The following CCDC150 variants were observed in gnomAD, a reference collection of about 807,000 sequenced individuals.
The protein encoded by CCDC150 is coiled-coil domain containing 150.
Under a neutral mutation model 156.5 loss-of-function variants are expected in CCDC150, and 151 were observed. The ratio of observed to expected loss-of-function variants is 0.97; its 90% CI spans 0.85 to 1.10. The LOEUF (loss-of-function observed/expected upper bound fraction) is 1.10. CCDC150 is among the 50% of genes least tolerant of loss of function. CCDC150 has a pLI of 0.00. For missense variants in CCDC150, 1,312 were observed against 1,268.1 expected (o/e 1.03, Z -0.53); for synonymous variants, 452 against 429.4 (o/e 1.05, Z -0.65).
intron 1 of CCDC150, among the ~76,000 whole-genome samples, chr2:196,641,328 G>GTTACTCC (rs1422473878): frequency 6.6e-6 from 1 of 151,928 alleles, no homozygotes; most frequent in Non-Finnish European, 1.5e-5. Flanking sequence ...TGTTCTCTGT[G>GTTACTCC]TTACTCCTTC....
chr2:196,723,485 G>A (rs1698041677), intron 21 of CCDC150, among the ~76,000 whole-genome samples: 1 of 152,174 alleles, frequency 6.6e-6, no homozygotes, highest in African/African-American at 2.4e-5. Flanking sequence ...CTGGGTGACA[G>A]AGCAAGACTC....
intron 15 of CCDC150, among the ~76,000 whole-genome samples, chr2:196,709,853 A>G (rs952384548): frequency 3.3e-5 from 5 of 152,160 alleles, no homozygotes; most frequent in African/African-American, 1.2e-4. Context: ...AGAACAGCAA[A>G]TATGGCTGCC....
At chr2:196,669,685 A>G in intron 7 of CCDC150, 148 bp from the exon 8 acceptor site, 1 of 576,358 alleles carries the variant, frequency 1.7e-6, no homozygotes, top group East Asian at 3.0e-5. Flanking sequence ...ATTCCATAAC[A>G]GTTTCTAGTC....
chr2:196,715,103 A>G (rs1385059995), intron 17 of CCDC150, among the ~76,000 whole-genome samples: 1 of 152,174 alleles, frequency 6.6e-6, no homozygotes, highest in Admixed American at 6.5e-5. Flanking sequence ...ATGGAGGGCA[A>G]TTTAGCAATA....
At chr2:196,729,048 A>C (rs748791804) in intron 22 of CCDC150, 145 bp from the exon 23 acceptor site, 6 of 720,846 alleles carry the variant, frequency 8.3e-6, no homozygotes, top group Non-Finnish European at 1.3e-5. Context: ...TGCTCCATAA[A>C]TCTGCTTAAT....
rs750649848 is a variant in CCDC150, at chr2:196,649,189, T to C, written c.176+2685T>C. On this transcript the variant is annotated intron_variant, in intron 2 of 27. Transcript: ENST00000389175. ...ATGAAGAATGACATTGGGATTTTAATAGGGATTGCCCTGAATCTGTAGATG... is the reference window on the plus strand; with the variant it reads ...ATGAAGAATGACATTGGGATTTTAACAGGGATTGCCCTGAATCTGTAGATG... 2.0e-5 allele frequency among the ~76,000 whole-genome samples: 3 copies of C among 152,348 alleles called. No individual in the cohort carries two copies. In the South Asian group the frequency reaches 6.2e-4, roughly 32 times the overall value.
At chr2:196,651,079 G>C (rs1692844688) in intron 2 of CCDC150, among the ~76,000 whole-genome samples, 1 of 152,084 alleles carries the variant, frequency 6.6e-6, no homozygotes, top group Non-Finnish European at 1.5e-5. Flanking sequence ...TTCTCATTTT[G>C]CTGTGTGGTT....
rs550312405 is a variant in CCDC150, at chr2:196,658,942, C to G, written c.645+82C>G. 43 of 974,356 alleles carry G rather than the reference C, an allele frequency of 4.4e-5. No homozygotes were observed. The Admixed American group carries it at 7.3e-4, about 17-fold the overall frequency. The allele number at this position is 974,356 out of a possible 1,614,324, so 60.4% of individuals were successfully genotyped here. ...GAAAGCAGAGAGAATGAAAAGAAAC[C>G]TTTGAAGAAGAAAATATGTGACTAT... On this transcript the variant is annotated intron_variant, in intron 5 of 27. Coordinates refer to ENST00000389175, the MANE Select transcript of CCDC150 (RefSeq NM_001080539.2).
At chr2:196,681,928 A>G (rs943914500) in intron 13 of CCDC150, among the ~76,000 whole-genome samples, 3 of 152,074 alleles carry the variant, frequency 2.0e-5, no homozygotes, top group African/African-American at 7.2e-5. Context: ...TACATTGATA[A>G]TGTCCTTTGA....
chr2:196,652,526 G>A (rs1212226715), intron 2 of CCDC150, among the ~76,000 whole-genome samples: 3 of 152,244 alleles, frequency 2.0e-5, no homozygotes, highest in African/African-American at 7.2e-5. Context: ...GAACAGCTCT[G>A]TCCCTCTGGC....
chr2:196,652,913 A>G (rs985853288), intron 2 of CCDC150, among the ~76,000 whole-genome samples: 81 of 152,224 alleles, frequency 5.3e-4, no homozygotes, highest in African/African-American at 1.9e-3. Flanking sequence ...CTTATGGCCT[A>G]TGTCCTCTGA....
intron 15 of CCDC150, among the ~76,000 whole-genome samples, chr2:196,702,389 C>T (rs996483146): frequency 8.9e-5 from 11 of 123,106 alleles, no homozygotes; most frequent in African/African-American, 2.9e-4. Context: ...GATGAGGTCT[C>T]ACTCTCTCAT....
chr2:196,654,266 A>G (rs1693053939), intron 2 of CCDC150, among the ~76,000 whole-genome samples: 1 of 151,900 alleles, frequency 6.6e-6, no homozygotes, highest in Non-Finnish European at 1.5e-5. Flanking sequence ...GGTTTCTTGG[A>G]TCTGGATTTC....
In CCDC150 at chr2:196,646,512, A is replaced by G. The variant is rs373298600; in HGVS notation, c.176+8A>G. On this transcript the variant is annotated splice_region_variant and intron_variant, in intron 2 of 27. Transcript: ENST00000389175. ...GGATTTTGGTGAAAAAAGGTAACAA[A>G]AATGAACTACATCTCTGTAGGTTGA... 7.6e-5 allele frequency: 123 copies of G among 1,611,412 alleles called. No homozygotes were observed. Among genetic ancestry groups the G allele is most frequent in the Non-Finnish European group, 1.0e-4 (119 of 1,178,026 alleles).
intron 1 of CCDC150, among the ~76,000 whole-genome samples, chr2:196,644,628 G>C (rs931899599): frequency 8.6e-5 from 13 of 152,020 alleles, no homozygotes; most frequent in Non-Finnish European, 1.6e-4. Flanking sequence ...ATCAATATCT[G>C]CATGTCTTTG....
chr2:196,658,473 G>C (rs1023275238), intron 4 of CCDC150, among the ~76,000 whole-genome samples: 2 of 152,036 alleles, frequency 1.3e-5, no homozygotes, highest in African/African-American at 4.8e-5. Flanking sequence ...AGAATATACC[G>C]TGTAAGTAAA....
chr2:196,672,091 T>C (rs1694234800), intron 8 of CCDC150, among the ~76,000 whole-genome samples: 1 of 152,178 alleles, frequency 6.6e-6, no homozygotes, highest in Non-Finnish European at 1.5e-5. Context: ...ATTTTGGCCA[T>C]TGTAATAGGT....
chr2:196,679,244 A>AACC (rs771268808), intron 13 of CCDC150, among the ~76,000 whole-genome samples: 3 of 152,178 alleles, frequency 2.0e-5, no homozygotes, highest in African/African-American at 4.8e-5. Flanking sequence ...AAAATCATGT[A>AACC]ACCACCACCA....
chr2:196,695,609 C>T (rs936774643), intron 14 of CCDC150, among the ~76,000 whole-genome samples: 9 of 151,922 alleles, frequency 5.9e-5, no homozygotes, highest in Non-Finnish European at 1.2e-4. Flanking sequence ...TTTGGGAGGC[C>T]GAGGCAGGTG....
Sources: gnomAD v4.1 joint callset for allele counts (sites outside exome capture counted in the v4.1 genomes callset) on GRCh38, gnomAD v4.1.1 for gene constraint, MANE v1.5 for transcripts, NCBI Gene and HGNC (gene_info 2026-07-23, HGNC 2026-07-21) for gene names.